Variants in ABL1 observed in about 807,000 individuals in gnomAD.
The protein encoded by ABL1 is tyrosine-protein kinase ABL1.
Under a neutral mutation model 94.7 loss-of-function variants are expected in ABL1, and 11 were observed. The ratio of observed to expected loss-of-function variants is 0.12; its 90% CI spans 0.07 to 0.19. The LOEUF is 0.19. Among genes scored for constraint, ABL1 ranks in the 10% least tolerant of loss-of-function variants. The pLI is 1.00. For missense variants in ABL1, 1,082 were observed against 1,489.4 expected (o/e 0.73, Z 4.50); for synonymous variants, 656 against 622.4 (o/e 1.05, Z -0.80).
At chr9:130,801,947 T>C (rs1302538919) in intron 1 of ABL1, among the ~76,000 whole-genome samples, 1 of 152,188 alleles carries the variant, frequency 6.6e-6, no homozygotes, top group Non-Finnish European at 1.5e-5. Context: ...TGCGTATCAT[T>C]AAGTTTGGGC....
chr9:130,789,369 G>C (rs777915697), intron 1 of ABL1, among the ~76,000 whole-genome samples: 3 of 152,174 alleles, frequency 2.0e-5, no homozygotes, highest in Non-Finnish European at 4.4e-5. Context: ...TATCCTATCT[G>C]TGTGACCTCC....
At chr9:130,861,113 C>T (rs910092876) in intron 3 of ABL1, among the ~76,000 whole-genome samples, 5 of 152,206 alleles carry the variant, frequency 3.3e-5, no homozygotes, top group Admixed American at 1.3e-4. Flanking sequence ...AGGGCCGCCA[C>T]ATCCTGATAA....
chr9:130,832,261 T>TA (rs1380956588), upstream of ABL1, among the ~76,000 whole-genome samples: 1 of 151,342 alleles, frequency 6.6e-6, no homozygotes, highest in East Asian at 1.9e-4. Context: ...TAGCTGGGAT[T>TA]ACAGATGCCC....
In ABL1 at chr9:130,862,698, G is replaced by T; in HGVS notation, c.550-65G>T. 3 of 1,560,678 alleles carry T rather than the reference G, an allele frequency of 1.9e-6. No individual in the cohort carries two copies. The highest frequency in any genetic ancestry group is 2.6e-6 in the Non-Finnish European group (3 of 1,153,856). On this transcript the variant is annotated intron_variant, in intron 3 of 10. Transcript: ENST00000318560. The surrounding 1 kb of genome is among the most constrained non-coding windows in gnomAD (Gnocchi z 5.5). ...AGTGAATTAAGGCTCAGCCAAACTG[G>T]CTCACGTGAGCTCTTTGAGCTTGCC...
At chr9:130,767,371 G>A (rs1442304159) in intron 1 of ABL1, among the ~76,000 whole-genome samples, 2 of 152,014 alleles carry the variant, frequency 1.3e-5, no homozygotes, top group African/African-American at 4.8e-5. Context: ...GTCTCACTCT[G>A]TTGTCCAGGC....
At chr9:130,748,228 A>T (rs1222789441) in intron 1 of ABL1, among the ~76,000 whole-genome samples, 1 of 152,202 alleles carries the variant, frequency 6.6e-6, no homozygotes, top group Admixed American at 6.5e-5. Flanking sequence ...GTGTGAACTG[A>T]ATCATAACTA....
chr9:130,799,017 T>G (rs1011270090), intron 1 of ABL1, among the ~76,000 whole-genome samples: 14 of 149,158 alleles, frequency 9.4e-5, no homozygotes, highest in Non-Finnish European at 4.5e-5. Context: ...GCAAGGTGGT[T>G]AAACAAAAAT....
intron 1 of ABL1, among the ~76,000 whole-genome samples, chr9:130,792,574 A>T (rs753129955): frequency 1.3e-5 from 2 of 152,092 alleles, no homozygotes; most frequent in Non-Finnish European, 2.9e-5. Context: ...CAAGGAGAAG[A>T]AGTACGGAAT....
intron 1 of ABL1, among the ~76,000 whole-genome samples, chr9:130,850,420 T>C (rs1284330498): frequency 6.6e-6 from 1 of 152,176 alleles, no homozygotes; most frequent in African/African-American, 2.4e-5. Flanking sequence ...CTGTAGGAAA[T>C]TGAAGCTGGA....
chr9:130,779,081 A>G (rs1288856868), intron 1 of ABL1, among the ~76,000 whole-genome samples: 1 of 152,236 alleles, frequency 6.6e-6, no homozygotes, highest in East Asian at 1.9e-4. Context: ...GATACTGATA[A>G]GAACTATGGC....
chr9:130,827,930 T>C (rs1830445827), intron 1 of ABL1, among the ~76,000 whole-genome samples: 1 of 145,714 alleles, frequency 6.9e-6, no homozygotes, highest in Non-Finnish European at 1.5e-5. Context: ...AATAAATAAA[T>C]AAATAAAGCT....
intron 7 of ABL1, 22 bp downstream of exon 7, chr9:130,875,074 A>G (rs769927123): frequency 6.2e-7 from 1 of 1,612,382 alleles, no homozygotes; most frequent in Admixed American, 1.7e-5. Context: ...TGCTGCACTG[A>G]AGTGGTCCTT....
chr9:130,832,657 G>A (rs937601850), upstream of ABL1, among the ~76,000 whole-genome samples: 1 of 152,234 alleles, frequency 6.6e-6, no homozygotes, highest in African/African-American at 2.4e-5. Flanking sequence ...CATTAAAAAT[G>A]TATTTCTTCC....
At chr9:130,823,715 C>T (rs1255163592) in intron 1 of ABL1, among the ~76,000 whole-genome samples, 1 of 152,180 alleles carries the variant, frequency 6.6e-6, no homozygotes, top group Non-Finnish European at 1.5e-5. Context: ...GCCCACATAC[C>T]ATCACTTAGT....
intron 1 of ABL1, among the ~76,000 whole-genome samples, chr9:130,812,200 CAAAAAAAAAAA>C (rs35352789): frequency 3.5e-4 from 17 of 48,766 alleles, no homozygotes; most frequent in Admixed American, 1.8e-3. Flanking sequence ...TCCATCTCTA[CAAAAAAAAAAA>C]AAAAAAAAAA....
At chr9:130,736,312 C>G (rs976697036) in intron 1 of ABL1, among the ~76,000 whole-genome samples, 2 of 151,990 alleles carry the variant, frequency 1.3e-5, no homozygotes, top group African/African-American at 4.8e-5. Flanking sequence ...CTTCCGTAGA[C>G]ATCATTCTAG....
rs1371864821 is a variant in ABL1 at position 130,835,366 on chromosome 9, G to GCA, written c.-80_-79insAC. The GCA allele has an allele frequency of 2.0e-5, 16 of 807,428 alleles. No individual in the cohort carries two copies. The African/African-American group carries it at 3.0e-4, about 15-fold the overall frequency. The allele number at this position is 807,428 out of a possible 1,614,324, so 50.0% of individuals were successfully genotyped here. A position where few individuals can be genotyped will look rare whatever the true frequency, so the allele number is the denominator to read the frequency against. Reference sequence around the variant, plus strand: ...GGGGCCGGGGGCGCCGGGGGGGCGCGCGGGCCGAGCCGGGCCTGAGCCGGG... The same window carrying GCA: ...GGGGCCGGGGGCGCCGGGGGGGCGCGCACGGGCCGAGCCGGGCCTGAGCCGGG... On this transcript the variant is annotated 5_prime_UTR_variant, in exon 1 of 11. Coordinates refer to ENST00000318560, the MANE Select transcript of ABL1 (RefSeq NM_005157.6). This position sits in a 1 kb window ranked among gnomAD's most constrained non-coding sequence, Gnocchi z 4.6.
intron 3 of ABL1, among the ~76,000 whole-genome samples, chr9:130,856,615 C>T (rs902866569): frequency 6.6e-6 from 1 of 152,212 alleles, no homozygotes; most frequent in African/African-American, 2.4e-5. Flanking sequence ...TCTCCTAATT[C>T]ACTTTTCCTG....
In ABL1 at chr9:130,862,098, C is replaced by G. The variant is rs11999595; in HGVS notation, c.550-665C>G. On this transcript the variant is annotated intron_variant, in intron 3 of 10. Coordinates refer to ENST00000318560, the MANE Select transcript of ABL1 (RefSeq NM_005157.6). This position sits in a 1 kb window ranked among gnomAD's most constrained non-coding sequence, Gnocchi z 5.5. ...TTTAGTGGTTTTCATCTTCTGGTCA[C>G]TATTTCATTCTAGGTTTATCCCCTT... Among the ~76,000 whole-genome samples the G allele has an allele frequency of 7.9e-3, 1,204 of 152,314 alleles. 22 individuals carry two copies. The highest frequency in any genetic ancestry group is 0.027 in the African/African-American group (1,142 of 41,572).
Sources: gnomAD v4.1 joint callset for allele counts (sites outside exome capture counted in the v4.1 genomes callset) on GRCh38, gnomAD v4.1.1 for gene constraint, Gnocchi (gnomAD v3.1) non-coding constraint, MANE v1.5 for transcripts, NCBI Gene and HGNC (gene_info 2026-07-23, HGNC 2026-07-21) for gene names.